HERC2: variants seen among roughly 807,000 people sequenced by gnomAD.
HERC2 encodes the protein E3 ubiquitin-protein ligase HERC2.
A neutral mutation model predicts 537.7 loss-of-function variants in HERC2; 102 were observed. That is an observed-to-expected ratio of 0.19 (90% CI 0.16 to 0.22). The LOEUF is 0.22. HERC2 is among the 10% of genes least tolerant of loss of function. The pLI is 1.00. For synonymous variants in HERC2, 2,224 were observed against 2,466.2 expected (o/e 0.90, Z 2.91); for missense variants, 4,236 against 6,198.2 (o/e 0.68, Z 10.63).
In HERC2 at chr15:28,130,307, A is replaced by C. The variant is rs781400626; in HGVS notation, c.12663-5T>G. The C allele has an allele frequency of 6.2e-7, 1 of 1,614,112 alleles. No individual in the cohort carries two copies. The highest frequency in any genetic ancestry group is 1.3e-5 in the African/African-American group (1 of 75,028). On this transcript the variant is annotated splice_polypyrimidine_tract_variant and splice_region_variant and intron_variant, in intron 82 of 92. Transcript: ENST00000261609. ...CTGTGATAATCGCCTTTGCCCCTGC[A>C]CACAAAGGAAGCATGGAAATTATGG...
At position 28,124,106 on chromosome 15, in the gene HERC2, G is replaced by C. The variant is rs768474907; in HGVS notation, c.13119C>G (p.Leu4373=). 1.2e-6 allele frequency: 2 copies of C among 1,607,530 alleles called. No individual in the cohort carries two copies. Among genetic ancestry groups the C allele is most frequent in the Non-Finnish European group, 1.7e-6 (2 of 1,177,036 alleles). Residue 4373 remains leucine (L), a synonymous_variant, in exon 85 of 93, where the codon CTC becomes CTG. Transcript: ENST00000261609. ...CIPMFDLEGS[L]DETGLGPSVG... ...CAGAAGGCCCGAGTCCAGTTTCGTC[G>C]AGCGAGCCTTCCAGGTCGAACATGG...
intron 20 of HERC2, among the ~76,000 whole-genome samples, chr15:28,253,892 G>T (rs1342216902): frequency 6.6e-6 from 1 of 152,174 alleles, no homozygotes; most frequent in East Asian, 1.9e-4. Context: ...AACCCAGGAG[G>T]CAGAGGTTGC....
chr15:28,253,250 CTCCT>C (rs2075141455), intron 20 of HERC2, among the ~76,000 whole-genome samples: 1 of 152,336 alleles, frequency 6.6e-6, no homozygotes, highest in East Asian at 1.9e-4. Context: ...TTCCCACCTC[CTCCT>C]AGTCTGGCCT....
intron 50 of HERC2, 124 bp downstream of exon 50, chr15:28,198,253 AG>A (rs1184019430): frequency 8.0e-6 from 9 of 1,124,184 alleles, no homozygotes; most frequent in Non-Finnish European, 1.2e-5. Flanking sequence ...TGACAAGCAA[AG>A]GAACACTCTA....
At chr15:28,282,863 C>T (rs1262588795) in intron 4 of HERC2, among the ~76,000 whole-genome samples, 4 of 151,538 alleles carry the variant, frequency 2.6e-5, no homozygotes, top group South Asian at 4.2e-4. Context: ...ACTAGGGAGG[C>T]GGCGGTTGCA....
At chr15:28,254,254 G>A in intron 20 of HERC2, 86 bp downstream of exon 20, 1 of 952,160 alleles carries the variant, frequency 1.1e-6, no homozygotes, top group South Asian at 1.6e-5. Context: ...TAGCACTCCG[G>A]CCTGGGCAAC....
intron 38 of HERC2, among the ~76,000 whole-genome samples, chr15:28,217,058 GCACT>G (rs1481479833): frequency 2.0e-5 from 3 of 152,030 alleles, no homozygotes; most frequent in Non-Finnish European, 4.4e-5. Flanking sequence ...CTGACACAAG[GCACT>G]CATACACATT....
In HERC2 at chr15:28,257,042, G is replaced by T. The variant is rs752355192; in HGVS notation, c.2517+19C>A. ...AAGACACTTACAAAAGGAGGAAGAA[G>T]AAGGGAAATCATGAATACCTGAAGT... On this transcript the variant is annotated intron_variant, in intron 17 of 92. Coordinates refer to ENST00000261609, the MANE Select transcript of HERC2 (RefSeq NM_004667.6). 9 of 1,601,506 alleles carry T rather than the reference G, an allele frequency of 5.6e-6. No individual in the cohort carries two copies. The East Asian group carries it at 2.0e-4, about 36-fold the overall frequency.
rs1321948831 is a variant in HERC2, at chr15:28,289,952, CACACACCTCAGTGAGAGGACA to C, written c.322+2915_322+2935del. Among the ~76,000 whole-genome samples, 540 of 152,030 alleles carry C rather than the reference CACACACCTCAGTGAGAGGACA, an allele frequency of 3.6e-3. 5 individuals carry two copies. Among genetic ancestry groups the C allele is most frequent in the African/African-American group, 0.012 (513 of 41,460 alleles). On this transcript the variant is annotated intron_variant, in intron 4 of 92. Coordinates refer to ENST00000261609, the MANE Select transcript of HERC2 (RefSeq NM_004667.6). The stretch of plus-strand genomic sequence containing the variant: ...GGATTACACACCTAAGTGAGAGGAC[CACACACCTCAGTGAGAGGACA>C]ACACACCTCAGTGAGAGGTCTCATC...
At position 28,274,453 on chromosome 15, in the gene HERC2, C is replaced by T. The variant is rs772769901; in HGVS notation, c.644-6G>A. The T allele has an allele frequency of 2.1e-5, 34 of 1,603,330 alleles. 1 individual carries two copies. Among genetic ancestry groups the T allele is most frequent in the South Asian group, 5.6e-5 (5 of 89,514 alleles). ...GCAGAGGTCCGCATCCTCGCCTGGG[C>T]GCACACACGCGTCAGAGGAGCCCCC... On this transcript the variant is annotated splice_polypyrimidine_tract_variant and splice_region_variant and intron_variant, in intron 6 of 92. Transcript: ENST00000261609.
intron 5 of HERC2, among the ~76,000 whole-genome samples, chr15:28,277,456 A>G (rs2346051): frequency 0.077 from 10,017 of 130,774 alleles, 850 homozygotes; most frequent in East Asian, 0.42. Context: ...GTGAATCCAC[A>G]ATTATCTAAA....
At chr15:28,144,347 C>G (rs1891520062) in intron 72 of HERC2, 112 bp from the exon 73 acceptor site, 24 of 1,144,424 alleles carry the variant, frequency 2.1e-5, no homozygotes, top group Non-Finnish European at 3.0e-5. Context: ...CAGAAGGCAA[C>G]AGCTGGTGTG....
At position 28,306,388 on chromosome 15, in the gene HERC2, G is replaced by A. The variant is rs571995782; in HGVS notation, c.73-6872C>T. Among the ~76,000 whole-genome samples, 62 of 152,268 alleles carry A rather than the reference G, an allele frequency of 4.1e-4. 1 individual carries two copies. In the South Asian group the frequency reaches 8.3e-3, roughly 20 times the overall value. ...GTATCAAACTGATTGATTTGGATAC[G>A]GTGAACCATCCTGGCATCCCTGGGA... On this transcript the variant is annotated intron_variant, in intron 2 of 92. Coordinates refer to ENST00000261609, the MANE Select transcript of HERC2 (RefSeq NM_004667.6).
At chr15:28,315,600 C>G (rs1014491893) in intron 2 of HERC2, 78 of 493,864 alleles carry the variant, frequency 1.6e-4, no homozygotes, top group African/African-American at 1.4e-3. Flanking sequence ...CAAGACCAGC[C>G]TGGGCAACAT....
At chr15:28,286,676 G>A (rs1220885493) in intron 4 of HERC2, among the ~76,000 whole-genome samples, 1 of 152,002 alleles carries the variant, frequency 6.6e-6, no homozygotes. Context: ...TGTCAGAAAG[G>A]GTCCTCCCAG....
chr15:28,163,099 G>T lies in HERC2; in HGVS notation c.10741C>A (p.Pro3581Thr). ...AVLSGMGTAY[P>T]QVADMLLELC... ...CCGCCCTCCCTGAGACTCACCTGTGGGTAGGCGGTCCCCATGCCGGAAAGC... is the reference window on the plus strand; with the variant it reads ...CCGCCCTCCCTGAGACTCACCTGTGTGTAGGCGGTCCCCATGCCGGAAAGC... Residue 3581 changes from proline (P) to threonine (T), a missense_variant, in exon 69 of 93, where the codon CCA becomes ACA. Around this residue, in one of 27 missense-constraint regions of HERC2, gnomAD observed 356 missense variants for 450.9 expected, o/e 0.79. Coordinates refer to ENST00000261609, the MANE Select transcript of HERC2 (RefSeq NM_004667.6). 6.2e-7 allele frequency: 1 copy of T among 1,609,036 alleles called. No homozygotes were observed. Among genetic ancestry groups the T allele is most frequent in the Non-Finnish European group, 8.5e-7 (1 of 1,179,358 alleles).
chr15:28,309,536 T>C (rs924164211), intron 2 of HERC2, among the ~76,000 whole-genome samples: 1 of 152,212 alleles, frequency 6.6e-6, no homozygotes, highest in Non-Finnish European at 1.5e-5. Context: ...CGCACCGTCC[T>C]GAAGGGATGG....
At position 28,214,144 on chromosome 15, in the gene HERC2, T is replaced by A. The variant is rs1370791308; in HGVS notation, c.6487A>T (p.Ile2163Phe). Reference sequence around the variant, plus strand: ...AGCTGGGAGTTGATGTACTTGTTGATGAGCCCATTCCACTGAGTCAGGGAG... The same window carrying A: ...AGCTGGGAGTTGATGTACTTGTTGAAGAGCCCATTCCACTGAGTCAGGGAG... ...LHSLTQWNGL[I>F]NKYINSQLRS... Residue 2163 changes from isoleucine (I) to phenylalanine (F), a missense_variant, in exon 41 of 93, where the codon ATC becomes TTC. Around this residue, in one of 27 missense-constraint regions of HERC2, gnomAD observed 365 missense variants for 468.8 expected, o/e 0.78. Transcript: ENST00000261609. The A allele has an allele frequency of 6.2e-7, 1 of 1,612,564 alleles. No homozygotes were observed. The highest frequency in any genetic ancestry group is 8.5e-7 in the Non-Finnish European group (1 of 1,178,624).
At chr15:28,130,130 G>C (rs201573521) in intron 83 of HERC2, 33 bp downstream of exon 83, 2 of 1,611,366 alleles carry the variant, frequency 1.2e-6, no homozygotes, top group Non-Finnish European at 1.7e-6. Context: ...AGATTCACAG[G>C]CCTCAGTCCT....
Sources: gnomAD v4.1 joint callset for allele counts (sites outside exome capture counted in the v4.1 genomes callset) on GRCh38, gnomAD v4.1.1 for gene constraint, gnomAD v4.1.1 regional missense constraint, MANE v1.5 for transcripts, NCBI Gene and HGNC (gene_info 2026-07-23, HGNC 2026-07-21) for gene names.